SBK1: variants seen among roughly 807,000 people sequenced by gnomAD.
SBK1 encodes the protein SH3 domain binding kinase 1.
A neutral mutation model predicts 24.4 loss-of-function variants in SBK1; 11 were observed. The observed-to-expected ratio is 0.45, with a 90% confidence interval of 0.28 to 0.75. The LOEUF (loss-of-function observed/expected upper bound fraction) is 0.75. Ranked by LOEUF, SBK1 falls within the 30% of genes least tolerant of loss-of-function variation. The pLI is 0.12. For synonymous variants in SBK1, 308 were observed against 284.4 expected, an observed-to-expected ratio of 1.08 and a Z score of -0.83; for missense variants, 467 against 620.5, an observed-to-expected ratio of 0.75 and a Z score of 2.63.
In SBK1 at chr16:28,321,886, C is replaced by T. The variant is rs962672917; in HGVS notation, c.*965C>T. 2 of 152,198 alleles carry T rather than the reference C, an allele frequency of 1.3e-5. No homozygotes were observed. The highest frequency in any genetic ancestry group is 3.2e-3 in the Middle Eastern group (1 of 316). 9.4% of individuals were successfully genotyped at this position (152,198 alleles called of 1,614,324 possible). A position where few individuals can be genotyped will look rare whatever the true frequency, so the allele number is the denominator to read the frequency against. On this transcript the variant is annotated 3_prime_UTR_variant, in exon 4 of 4. Coordinates refer to ENST00000341901, the MANE Select transcript of SBK1 (RefSeq NM_001024401.3). ...GGGACCTCTGCCGGGTCCTCCCAGCCCTTGCCACACAGCCTAGACGTAGTA... is the reference window on the plus strand; with the variant it reads ...GGGACCTCTGCCGGGTCCTCCCAGCTCTTGCCACACAGCCTAGACGTAGTA...
chr16:28,284,405 C>T (rs2141569985), intron 1 of SBK1, among the ~76,000 whole-genome samples: 1 of 152,368 alleles, frequency 6.6e-6, no homozygotes, highest in South Asian at 2.1e-4. Flanking sequence ...ATGCCCCCTG[C>T]TCCCCCAGCA....
chr16:28,302,204 G>A (rs1177177941), intron 1 of SBK1, among the ~76,000 whole-genome samples: 1 of 152,228 alleles, frequency 6.6e-6, no homozygotes, highest in Non-Finnish European at 1.5e-5. Context: ...CTGGAGAGAA[G>A]GAGGGGCTGG....
chr16:28,292,607 G>C lies in SBK1; in HGVS notation c.-701G>C. On this transcript the variant is annotated 5_prime_UTR_variant, in exon 1 of 4. Transcript: ENST00000341901. The stretch of plus-strand genomic sequence containing the variant: ...CGGAGCGCGAGCTGGAGCCGCAGCC[G>C]GAGCCCGGGCCAGGCCGGGGGCCGG... 1 of 981,452 alleles carries C rather than the reference G, an allele frequency of 1.0e-6. No homozygotes were observed. The highest frequency in any genetic ancestry group is 1.2e-6 in the Non-Finnish European group (1 of 828,068). The allele number at this position is 981,452 out of a possible 1,614,324, so 60.8% of individuals were successfully genotyped here.
chr16:28,275,068 G>A (rs1353969798), intron 1 of SBK1, among the ~76,000 whole-genome samples: 2 of 152,232 alleles, frequency 1.3e-5, no homozygotes, highest in Non-Finnish European at 2.9e-5. Context: ...GGCTCACGCT[G>A]TAACCCCAGC....
intron 1 of SBK1, among the ~76,000 whole-genome samples, chr16:28,310,002 C>G (rs1245046622): frequency 1.3e-5 from 2 of 152,192 alleles, no homozygotes; most frequent in Non-Finnish European, 2.9e-5. Flanking sequence ...GCTTGCCGAC[C>G]GCCAGCAGGA....
chr16:28,297,754 C>T (rs1402692611), intron 1 of SBK1, among the ~76,000 whole-genome samples: 3 of 152,174 alleles, frequency 2.0e-5, no homozygotes, highest in Admixed American at 6.5e-5. Context: ...AATGGGGCGT[C>T]GGCAGGTGGG....
rs55860114 is a variant in SBK1, at chr16:28,321,182, A to AACACACAC, written c.*310_*317dup. The AACACACAC allele has an allele frequency of 3.7e-3, 716 of 191,988 alleles. 9 individuals are homozygous for AACACACAC. The highest frequency in any genetic ancestry group is 9.2e-3 in the African/African-American group (299 of 32,512). 11.9% of individuals were successfully genotyped at this position (191,988 alleles called of 1,614,324 possible). A position where few individuals can be genotyped will look rare whatever the true frequency, so the allele number is the denominator to read the frequency against. Reference sequence around the variant, plus strand: ...CCCGAGAATTCGGAGGCCACCACACAACACACACACACACACACACACACA... The same window carrying AACACACAC: ...CCCGAGAATTCGGAGGCCACCACACAACACACACACACACACACACACACACACACACA... On this transcript the variant is annotated 3_prime_UTR_variant, in exon 4 of 4. Transcript: ENST00000341901.
rs763898878 is a variant in SBK1 at position 28,320,563 on chromosome 16, C to A, written c.917C>A (p.Ala306Asp). Reference sequence around the variant, plus strand: ...CTGGAGCCCGAGCGCCGCGGCCCAGCCAAGGAGGTGTTCCGCTTCCTCAAG... The same window carrying A: ...CTGGAGCCCGAGCGCCGCGGCCCAGACAAGGAGGTGTTCCGCTTCCTCAAG... ...LALEPERRGP[A>D]KEVFRFLKHE... The change falls in exon 4 of 4, where the codon GCC becomes GAC. Residue 306 changes from alanine to aspartate, a missense_variant. Physicochemically the swap from Ala to Asp is moderately radical, Grantham distance 126. Coordinates refer to ENST00000341901, the MANE Select transcript of SBK1 (RefSeq NM_001024401.3). The surrounding 1 kb of genome is among the most constrained non-coding windows in gnomAD (Gnocchi z 8.5). 2 of 1,545,756 alleles carry A rather than the reference C, an allele frequency of 1.3e-6. No individual in the cohort carries two copies. The highest frequency in any genetic ancestry group is 8.7e-7 in the Non-Finnish European group (1 of 1,153,072).
chr16:28,264,501 G>A (rs2044416194), intron 1 of SBK1, among the ~76,000 whole-genome samples: 1 of 152,136 alleles, frequency 6.6e-6, no homozygotes, highest in Admixed American at 6.5e-5. Context: ...TTGAACCCGG[G>A]AGGCGGAGGT....
Position 28,293,152 on chromosome 16 carries a change from A to T in SBK1, c.-156A>T. ...GAAGCCTCGGGGATCCCCCCCCTAAAGCTCCAGGACTTGGGCGACTGAGCC... is the reference window on the plus strand; with the variant it reads ...GAAGCCTCGGGGATCCCCCCCCTAATGCTCCAGGACTTGGGCGACTGAGCC... On this transcript the variant is annotated 5_prime_UTR_variant, in exon 1 of 4. The change creates a new upstream start codon in the 5' untranslated region. Transcript: ENST00000341901. 1.0e-6 allele frequency: 1 copy of T among 985,590 alleles called. No individual in the cohort carries two copies. The highest frequency in any genetic ancestry group is 1.2e-6 in the Non-Finnish European group (1 of 830,072). The allele number at this position is 985,590 out of a possible 1,614,324, so 61.1% of individuals were successfully genotyped here.
intron 1 of SBK1, among the ~76,000 whole-genome samples, chr16:28,314,811 T>G (rs2044781347): frequency 6.6e-6 from 1 of 152,150 alleles, no homozygotes; most frequent in Non-Finnish European, 1.5e-5. Flanking sequence ...AAACCCCATC[T>G]CTACTAAACA....
intron 1 of SBK1, among the ~76,000 whole-genome samples, chr16:28,267,990 G>A (rs561169695): frequency 6.6e-6 from 1 of 151,958 alleles, no homozygotes; most frequent in African/African-American, 2.4e-5. Context: ...TCTAAAAAAA[G>A]GTAAAAATTA....
chr16:28,284,733 A>G (rs2044554971), intron 1 of SBK1, among the ~76,000 whole-genome samples: 1 of 152,186 alleles, frequency 6.6e-6, no homozygotes, highest in Admixed American at 6.5e-5. Context: ...TGAGGTCAGG[A>G]GTTCGAGAAA....
In SBK1 at chr16:28,292,599, C is replaced by T; in HGVS notation, c.-709C>T. The T allele has an allele frequency of 1.6e-5, 16 of 980,252 alleles. No homozygotes were observed. The highest frequency in any genetic ancestry group is 1.9e-5 in the Non-Finnish European group (16 of 827,250). 60.7% of individuals were successfully genotyped at this position (980,252 alleles called of 1,614,324 possible). ...GCGCCAGGCGGAGCGCGAGCTGGAG[C>T]CGCAGCCGGAGCCCGGGCCAGGCCG... On this transcript the variant is annotated 5_prime_UTR_variant, in exon 1 of 4. Coordinates refer to ENST00000341901, the MANE Select transcript of SBK1 (RefSeq NM_001024401.3).
intron 1 of SBK1, among the ~76,000 whole-genome samples, chr16:28,293,803 G>A (rs1324490634): frequency 6.6e-6 from 1 of 152,098 alleles, no homozygotes; most frequent in Admixed American, 6.5e-5. Flanking sequence ...CGGGGAAGGG[G>A]TGTGTTTGAG....
intron 1 of SBK1, among the ~76,000 whole-genome samples, chr16:28,280,547 T>G (rs957959956): frequency 5.3e-5 from 8 of 151,732 alleles, no homozygotes; most frequent in African/African-American, 1.9e-4. Flanking sequence ...GGGTCCAGCT[T>G]TAACCCCCTA....
Position 28,320,071 on chromosome 16 carries a change from C to T in SBK1, c.430-5C>T, listed in dbSNP as rs1243863741. The T allele has an allele frequency of 6.7e-7, 1 of 1,483,952 alleles. No individual in the cohort carries two copies. Among genetic ancestry groups the T allele is most frequent in the Non-Finnish European group, 8.9e-7 (1 of 1,123,900 alleles). The allele number at this position is 1,483,952 out of a possible 1,614,324, so 91.9% of individuals were successfully genotyped here. ...AACAGCGCGGCTTCCCCCGGCCGCCCGCAGGTGGGGCTCCCTGAGGACACG... is the reference window on the plus strand; with the variant it reads ...AACAGCGCGGCTTCCCCCGGCCGCCTGCAGGTGGGGCTCCCTGAGGACACG... On this transcript the variant is annotated splice_region_variant and splice_polypyrimidine_tract_variant and intron_variant, in intron 3 of 3. Transcript: ENST00000341901. The surrounding 1 kb of genome is among the most constrained non-coding windows in gnomAD (Gnocchi z 8.5).
chr16:28,280,147 A>ATGTGTG (rs1258164420), intron 1 of SBK1, among the ~76,000 whole-genome samples: 35 of 48,362 alleles, frequency 7.2e-4, no homozygotes, highest in African/African-American at 2.2e-3. Flanking sequence ...ATATATATAT[A>ATGTGTG]TATGTGTGTG....
chr16:28,318,884 C>T (rs1413724435), intron 2 of SBK1, 111 bp from the exon 3 acceptor site: 3 of 805,948 alleles, frequency 3.7e-6, no homozygotes, highest in African/African-American at 3.4e-5. Flanking sequence ...TGAGGACAGT[C>T]ATGCCTGCTG....
Sources: gnomAD v4.1 joint callset for allele counts (sites outside exome capture counted in the v4.1 genomes callset) on GRCh38, gnomAD v4.1.1 for gene constraint, Gnocchi (gnomAD v3.1) non-coding constraint, MANE v1.5 for transcripts, NCBI Gene and HGNC (gene_info 2026-07-23, HGNC 2026-07-21) for gene names.